The following GDNF variants were observed in gnomAD, a reference collection of about 807,000 sequenced individuals.
The protein encoded by GDNF is glial cell derived neurotrophic factor, also known as glial cell line-derived neurotrophic factor.
A neutral mutation model predicts 13.7 loss-of-function variants in GDNF; 5 were observed. The observed-to-expected ratio is 0.36, with a 90% CI of 0.19 to 0.77. The LOEUF is 0.77. Ranked by LOEUF, GDNF falls within the 30% of genes least tolerant of loss-of-function variation. The pLI is 0.51. For synonymous variants in GDNF, 122 were observed against 112.5 expected, an observed-to-expected ratio of 1.08 and a Z score of -0.53; for missense variants, 246 against 274.3, an observed-to-expected ratio of 0.90 and a Z score of 0.73.
intron 2 of GDNF, among the ~76,000 whole-genome samples, chr5:37,816,828 T>G (rs1378047500): frequency 6.6e-6 from 1 of 152,130 alleles, no homozygotes; most frequent in African/African-American, 2.4e-5. Flanking sequence ...ACAGAACAAA[T>G]GAAGAGCTCA....
chr5:37,837,885 T>G lies in GDNF; in HGVS notation c.-27+1622A>C, dbSNP rs1202521710. Among the ~76,000 whole-genome samples the G allele has an allele frequency of 2.0e-5, 3 of 152,158 alleles. No individual in the cohort carries two copies. Among genetic ancestry groups the G allele is most frequent in the Non-Finnish European group, 4.4e-5 (3 of 68,038 alleles). On this transcript the variant is annotated intron_variant, in intron 1 of 2. Transcript: ENST00000326524. The surrounding 1 kb of genome is among the most constrained non-coding windows in gnomAD (Gnocchi z 6.5). ...CCGCCGTCAGTGCCCCCGCACCTTC[T>G]TGTGCCTGGCAGGCTGGGAGGTTTG...
At position 37,838,457 on chromosome 5, in the gene GDNF, G is replaced by A. The variant is rs549918675; in HGVS notation, c.-27+1050C>T. On this transcript the variant is annotated intron_variant, in intron 1 of 2. Coordinates refer to ENST00000326524, the MANE Select transcript of GDNF (RefSeq NM_000514.4). The surrounding 1 kb of genome is among the most constrained non-coding windows in gnomAD (Gnocchi z 4.1). Reference sequence around the variant, plus strand: ...AGCATATATTCCAAACACTGAGCAAGAGTCGAGCGCGTTCTAACATCTCCG... The same window carrying A: ...AGCATATATTCCAAACACTGAGCAAAAGTCGAGCGCGTTCTAACATCTCCG... 2.3e-4 allele frequency among the ~76,000 whole-genome samples: 35 copies of A among 152,368 alleles called. No individual in the cohort carries two copies. The highest frequency in any genetic ancestry group is 4.0e-4 in the Non-Finnish European group (27 of 68,038).
At chr5:37,816,668 A>C (rs1253790958) in intron 2 of GDNF, among the ~76,000 whole-genome samples, 1 of 152,226 alleles carries the variant, frequency 6.6e-6, no homozygotes, top group Admixed American at 6.5e-5. Flanking sequence ...CACACACCAA[A>C]GATCCACGCA....
chr5:37,837,583 G>A lies in GDNF; in HGVS notation c.-27+1924C>T, dbSNP rs964697541. Among the ~76,000 whole-genome samples the A allele has an allele frequency of 6.6e-6, 1 of 152,236 alleles. No individual in the cohort carries two copies. Among genetic ancestry groups the A allele is most frequent in the Non-Finnish European group, 1.5e-5 (1 of 68,044 alleles). On this transcript the variant is annotated intron_variant, in intron 1 of 2. Coordinates refer to ENST00000326524, the MANE Select transcript of GDNF (RefSeq NM_000514.4). This position sits in a 1 kb window ranked among gnomAD's most constrained non-coding sequence, Gnocchi z 6.5. ...CAGCAGGGGGCACCAGAAACCGTCT[G>A]AGCCGTGTCGCGCCCACGCGGCCCG...
At position 37,839,796 on chromosome 5, in the gene GDNF, G is replaced by C. The variant is rs1236611624; in HGVS notation, c.-316C>G. The C allele has an allele frequency of 6.6e-6, 1 of 152,254 alleles. No homozygotes were observed. Among genetic ancestry groups the C allele is most frequent in the African/African-American group, 2.4e-5 (1 of 41,438 alleles). The allele number at this position is 152,254 out of a possible 1,614,324, so 9.4% of individuals were successfully genotyped here. On this transcript the variant is annotated 5_prime_UTR_variant, in exon 1 of 3. Coordinates refer to ENST00000326524, the MANE Select transcript of GDNF (RefSeq NM_000514.4). The surrounding 1 kb of genome is among the most constrained non-coding windows in gnomAD (Gnocchi z 5.5). ...CCGAGCAGCCGCCGCTGCTTTGGGT[G>C]GGGGGCTGACAGGGCTGCGCGCGTC...
chr5:37,819,444 C>CTTTTTTTTTT (rs529362873), intron 2 of GDNF, among the ~76,000 whole-genome samples: 2 of 126,202 alleles, frequency 1.6e-5, no homozygotes, highest in Non-Finnish European at 1.6e-5. Flanking sequence ...GTGCTCTTTT[C>CTTTTTTTTTT]TTTTTTTTTT....
chr5:37,829,544 C>G (rs1307122439), intron 2 of GDNF, among the ~76,000 whole-genome samples: 32 of 152,148 alleles, frequency 2.1e-4, no homozygotes, highest in Admixed American at 2.1e-3. Flanking sequence ...CCGCATGGCA[C>G]CCAGTACATG....
chr5:37,814,959 A>T lies in GDNF; in HGVS notation c.*692T>A, dbSNP rs757008724. On this transcript the variant is annotated 3_prime_UTR_variant, in exon 3 of 3. Transcript: ENST00000326524. ...AATACCTTCAGGTTTGTGTTTAATC[A>T]TGAGCACAGCCTTTTTGGTTCCTAG... 1 of 152,980 alleles carries T rather than the reference A, an allele frequency of 6.5e-6. No individual in the cohort carries two copies. The highest frequency in any genetic ancestry group is 1.5e-5 in the Non-Finnish European group (1 of 68,642). The allele number at this position is 152,980 out of a possible 1,614,324, so 9.5% of individuals were successfully genotyped here.
At position 37,838,141 on chromosome 5, in the gene GDNF, G is replaced by A. The variant is rs1750774780; in HGVS notation, c.-27+1366C>T. Among the ~76,000 whole-genome samples the A allele has an allele frequency of 1.3e-5, 2 of 151,724 alleles. No individual in the cohort carries two copies. The highest frequency in any genetic ancestry group is 4.8e-5 in the African/African-American group (2 of 41,262). ...CCATAACTGCGGGGCCCAAGATGAG[G>A]GAAGGAAAAAGAATTTGGGACACTT... On this transcript the variant is annotated intron_variant, in intron 1 of 2. Coordinates refer to ENST00000326524, the MANE Select transcript of GDNF (RefSeq NM_000514.4). The surrounding 1 kb of genome is among the most constrained non-coding windows in gnomAD (Gnocchi z 4.1).
chr5:37,827,340 T>C (rs771012670), intron 2 of GDNF, among the ~76,000 whole-genome samples: 5 of 152,252 alleles, frequency 3.3e-5, no homozygotes, highest in Non-Finnish European at 7.3e-5. Flanking sequence ...TGTGGCTATA[T>C]AAGACATTGT....
chr5:37,824,450 C>G (rs1384859189), intron 2 of GDNF: 1 of 152,206 alleles, frequency 6.6e-6, no homozygotes. Flanking sequence ...AAGCCAATCT[C>G]TGGGCTGTCA....
chr5:37,817,855 A>G (rs1419178183), intron 2 of GDNF, among the ~76,000 whole-genome samples: 1 of 152,034 alleles, frequency 6.6e-6, no homozygotes, highest in Non-Finnish European at 1.5e-5. Flanking sequence ...TCTATTTTCT[A>G]CCCAGCACCC....
At position 37,839,261 on chromosome 5, in the gene GDNF, G is replaced by T. The variant is rs896155468; in HGVS notation, c.-27+246C>A. Reference sequence around the variant, plus strand: ...CATTCCGGGTCCAGGCGCATCTGGGGCTCCACAGATCTTTGCCCACGTGGA... The same window carrying T: ...CATTCCGGGTCCAGGCGCATCTGGGTCTCCACAGATCTTTGCCCACGTGGA... On this transcript the variant is annotated intron_variant, in intron 1 of 2. Transcript: ENST00000326524. This position sits in a 1 kb window ranked among gnomAD's most constrained non-coding sequence, Gnocchi z 5.5. 2.6e-5 allele frequency among the ~76,000 whole-genome samples: 4 copies of T among 152,202 alleles called. No individual in the cohort carries two copies. Among genetic ancestry groups the T allele is most frequent in the African/African-American group, 9.7e-5 (4 of 41,450 alleles).
At chr5:37,819,397 GT>G (rs1339102514) in intron 2 of GDNF, among the ~76,000 whole-genome samples, 1 of 151,100 alleles carries the variant, frequency 6.6e-6, no homozygotes, top group Non-Finnish European at 1.5e-5. Flanking sequence ...AAGCTCTCTG[GT>G]CCCTGAGTAA....
Position 37,815,816 on chromosome 5 carries a change from G to A in GDNF, c.471C>T (p.Asp157=), listed in dbSNP as rs970790833. ...TTCTGGATAAGTTTTTCAATATTTT[G>A]TCGTACGTTGTCTCAGCTGCATCGC... The part of the protein sequence containing the change: ...GSCDAAETTY[D]KILKNLSRNR... The change falls in exon 3 of 3, where the codon GAC becomes GAT. Residue 157 remains aspartate, a synonymous_variant. Coordinates refer to ENST00000326524, the MANE Select transcript of GDNF (RefSeq NM_000514.4). This position sits in a 1 kb window ranked among gnomAD's most constrained non-coding sequence, Gnocchi z 5.0. 6.2e-7 allele frequency: 1 copy of A among 1,613,930 alleles called. No individual in the cohort carries two copies. Among genetic ancestry groups the A allele is most frequent in the African/African-American group, 1.3e-5 (1 of 74,874 alleles).
chr5:37,823,792 G>A (rs1750219403), intron 2 of GDNF, among the ~76,000 whole-genome samples: 1 of 152,186 alleles, frequency 6.6e-6, no homozygotes, highest in Non-Finnish European at 1.5e-5. Context: ...AGTGCTCTCT[G>A]GGGCCTTTTC....
chr5:37,823,959 C>A (rs955638537), intron 2 of GDNF: 1 of 629,944 alleles, frequency 1.6e-6, no homozygotes, highest in African/African-American at 2.0e-5. Flanking sequence ...CCCCATAAAA[C>A]CCCACAGGAG....
At chr5:37,827,553 T>A (rs1309288290) in intron 2 of GDNF, among the ~76,000 whole-genome samples, 1 of 152,220 alleles carries the variant, frequency 6.6e-6, no homozygotes, top group Non-Finnish European at 1.5e-5. Flanking sequence ...AGCCAGTTGC[T>A]CCATATTTCC....
chr5:37,814,693 T>G lies in GDNF; in HGVS notation c.*958A>C, dbSNP rs886060599. ...GGTAATAAATAACAATAACTTAAAT[T>G]TCAATAAATATCTTCTCTATATTTC... On this transcript the variant is annotated 3_prime_UTR_variant, in exon 3 of 3. Transcript: ENST00000326524. 6.6e-6 allele frequency: 1 copy of G among 152,222 alleles called. No homozygotes were observed. The allele number at this position is 152,222 out of a possible 1,614,324, so 9.4% of individuals were successfully genotyped here.
Sources: allele counts gnomAD v4.1 joint callset (sites outside exome capture counted in the v4.1 genomes callset), GRCh38; gene constraint gnomAD v4.1.1; non-coding constraint Gnocchi (gnomAD v3.1); transcripts MANE v1.5; gene names NCBI Gene and HGNC (gene_info 2026-07-23, HGNC 2026-07-21).